Variants in RNF121 observed in about 807,000 individuals in gnomAD.
RNF121 encodes the protein E3 ubiquitin ligase RNF121.
In RNF121, 21 loss-of-function variants were observed where a neutral mutation model predicts 46.5. The observed-to-expected ratio is 0.45, with a 90% CI of 0.32 to 0.65. RNF121 has a LOEUF of 0.65. Among genes scored for constraint, RNF121 ranks in the 30% least tolerant of loss-of-function variants. The pLI, the probability that RNF121 is intolerant of heterozygous loss-of-function variation, is 0.04. For missense variants in RNF121, 346 were observed against 416.0 expected (o/e 0.83, Z 1.46); for synonymous variants, 139 against 144.7 (o/e 0.96, Z 0.28).
intron 6 of RNF121, chr11:71,990,925 A>T: frequency 1.7e-6 from 1 of 601,748 alleles, no homozygotes; most frequent in South Asian, 2.3e-5. Context: ...CGTTGCAGCA[A>T]CATGCCAGCT....
rs189791739 is a variant in RNF121 at position 71,981,472 on chromosome 11, G to T, written c.244-1289G>T. On this transcript the variant is annotated intron_variant, in intron 3 of 8. Transcript: ENST00000361756. ...TCTTTGATTTTGTTGATGGCATCAG[G>T]AAGAAAACCTCCATTATGTATTATT... Among the ~76,000 whole-genome samples the T allele has an allele frequency of 2.3e-3, 352 of 152,246 alleles. 1 individual carries two copies. The highest frequency in any genetic ancestry group is 8.2e-3 in the African/African-American group (341 of 41,542).
At chr11:71,979,143 G>A (rs768689391) in intron 3 of RNF121, among the ~76,000 whole-genome samples, 1 of 152,166 alleles carries the variant, frequency 6.6e-6, no homozygotes. Flanking sequence ...TGAGTGAGTG[G>A]GTGAACACTG....
At chr11:71,957,346 C>T in intron 2 of RNF121, 82 bp downstream of exon 2, 1 of 943,938 alleles carries the variant, frequency 1.1e-6, no homozygotes. Context: ...ACCCATTTTG[C>T]TTTCTTGTCA....
At chr11:71,957,156 T>C (rs1407105576) in intron 1 of RNF121, 71 bp from the exon 2 acceptor site, 10 of 952,600 alleles carry the variant, frequency 1.0e-5, no homozygotes, top group Non-Finnish European at 1.6e-5. Flanking sequence ...CTGATAAATG[T>C]GTGAGCACCT....
chr11:71,975,824 A>G (rs1423682632), intron 3 of RNF121, among the ~76,000 whole-genome samples: 2 of 152,222 alleles, frequency 1.3e-5, no homozygotes, highest in African/African-American at 2.4e-5. Context: ...CCTCTGAAAG[A>G]TAAGAGTTGG....
intron 5 of RNF121, among the ~76,000 whole-genome samples, chr11:71,988,203 A>G (rs1954804192): frequency 6.6e-6 from 1 of 152,154 alleles, no homozygotes. Flanking sequence ...CTTCCAAAAG[A>G]TCTTTATTAG....
chr11:71,954,727 T>C lies in RNF121; in HGVS notation c.64-2500T>C, dbSNP rs143729507. On this transcript the variant is annotated intron_variant, in intron 1 of 8. Transcript: ENST00000361756. ...CCAGATTTTCCTAGTTTCCCCCTCA[T>C]TGGATTTGGTTTCTTGAACAGGTAG... Among the ~76,000 whole-genome samples the C allele has an allele frequency of 4.2e-3, 637 of 152,296 alleles. 2 individuals are homozygous for C. Among genetic ancestry groups the C allele is most frequent in the African/African-American group, 0.015 (608 of 41,566 alleles).
intron 1 of RNF121, among the ~76,000 whole-genome samples, chr11:71,946,895 T>C (rs1372237155): frequency 8.8e-6 from 1 of 113,394 alleles, no homozygotes; most frequent in Non-Finnish European, 1.8e-5. Context: ...TTTGAGACAG[T>C]ATCGCTCTGT....
chr11:71,957,494 C>T (rs1954017680), intron 2 of RNF121, among the ~76,000 whole-genome samples: 2 of 152,134 alleles, frequency 1.3e-5, no homozygotes, highest in Non-Finnish European at 2.9e-5. Flanking sequence ...CCATTTCTAC[C>T]ATTTACTAGC....
At chr11:71,973,208 G>A (rs1954457246) in intron 3 of RNF121, among the ~76,000 whole-genome samples, 2 of 151,820 alleles carry the variant, frequency 1.3e-5, no homozygotes, top group African/African-American at 4.8e-5. Flanking sequence ...AGAGGGAAAT[G>A]TAGGCTGGGC....
intron 3 of RNF121, among the ~76,000 whole-genome samples, chr11:71,961,774 C>T (rs1182372018): frequency 1.3e-5 from 2 of 152,054 alleles, no homozygotes; most frequent in African/African-American, 4.8e-5. Context: ...AGTAAATTCA[C>T]TTTAGGTGGA....
intron 3 of RNF121, among the ~76,000 whole-genome samples, chr11:71,965,118 C>G (rs1954243919): frequency 6.6e-6 from 1 of 152,132 alleles, no homozygotes; most frequent in South Asian, 2.1e-4. Flanking sequence ...GAAAAATCTG[C>G]AAGTGTGTGT....
At chr11:71,964,892 T>C (rs1374299393) in intron 3 of RNF121, among the ~76,000 whole-genome samples, 1 of 152,188 alleles carries the variant, frequency 6.6e-6, no homozygotes, top group African/African-American at 2.4e-5. Flanking sequence ...CCCAGTTAGC[T>C]CTGAAATCTG....
intron 3 of RNF121, among the ~76,000 whole-genome samples, chr11:71,974,008 C>G (rs1342735937): frequency 6.6e-6 from 1 of 152,180 alleles, no homozygotes; most frequent in Non-Finnish European, 1.5e-5. Context: ...GTGGCGCTAT[C>G]TCGGCTCACT....
chr11:71,987,160 T>C (rs1954788064), intron 5 of RNF121, 49 bp downstream of exon 5: 2 of 1,158,246 alleles, frequency 1.7e-6, no homozygotes, highest in Admixed American at 1.7e-5. Flanking sequence ...GAGGAGTGAC[T>C]GTTGAGATGT....
At chr11:71,955,273 A>G (rs977973629) in intron 1 of RNF121, among the ~76,000 whole-genome samples, 1 of 152,208 alleles carries the variant, frequency 6.6e-6, no homozygotes, top group Non-Finnish European at 1.5e-5. Flanking sequence ...CTAAGATAAC[A>G]TGAGACTGAA....
intron 6 of RNF121, among the ~76,000 whole-genome samples, chr11:71,992,338 C>T (rs556462403): frequency 6.6e-6 from 1 of 152,304 alleles, no homozygotes; most frequent in East Asian, 1.9e-4. Flanking sequence ...AGCTTTCATA[C>T]TTGCTTTGTT....
At chr11:71,983,043 C>A in intron 4 of RNF121, 128 bp downstream of exon 4, 1 of 812,708 alleles carries the variant, frequency 1.2e-6, no homozygotes, top group Non-Finnish European at 1.7e-6. Context: ...GGCATGGGGC[C>A]TCTCTAAAAC....
At chr11:71,938,733 C>T (rs1265618576) in intron 1 of RNF121, 3 of 152,820 alleles carry the variant, frequency 2.0e-5, no homozygotes, top group Non-Finnish European at 4.4e-5. Flanking sequence ...GTGCAACCAC[C>T]TCTTCTGGTT....
Sources: allele counts gnomAD v4.1 joint callset (sites outside exome capture counted in the v4.1 genomes callset), GRCh38; gene constraint gnomAD v4.1.1; transcripts MANE v1.5; gene names NCBI Gene and HGNC (gene_info 2026-07-23, HGNC 2026-07-21).